Variants in SEC63 observed in about 807,000 individuals in gnomAD.
The protein encoded by SEC63 is SEC63 protein translocation regulator, also known as translocation protein SEC63 homolog.
A neutral mutation model predicts 116.2 loss-of-function variants in SEC63; 56 were observed. The observed-to-expected ratio is 0.48, with a 90% confidence interval of 0.39 to 0.60. The LOEUF is 0.60. Ranked by LOEUF, SEC63 falls within the 20% of genes least tolerant of loss-of-function variation. The pLI, the probability that SEC63 is intolerant of heterozygous loss-of-function variation, is 0.00. For missense variants in SEC63, 668 were observed against 900.0 expected (o/e 0.74, Z 3.30); for synonymous variants, 273 against 294.6 (o/e 0.93, Z 0.75).
At chr6:107,914,584 G>A (rs1460780065) in intron 4 of SEC63, among the ~76,000 whole-genome samples, 1 of 152,026 alleles carries the variant, frequency 6.6e-6, no homozygotes, top group African/African-American at 2.4e-5. Context: ...TTTGATGAAA[G>A]GCCACAGAAA....
At chr6:107,939,951 A>G (rs575890434) in intron 1 of SEC63, among the ~76,000 whole-genome samples, 17 of 152,292 alleles carry the variant, frequency 1.1e-4, no homozygotes, top group African/African-American at 3.8e-4. Flanking sequence ...GAATCTGAAT[A>G]GTTAGCCATA....
intron 18 of SEC63, among the ~76,000 whole-genome samples, chr6:107,879,722 ATC>A (rs1213027834): frequency 2.1e-5 from 2 of 96,922 alleles, no homozygotes; most frequent in African/African-American, 8.4e-5. Flanking sequence ...AATGATTTTT[ATC>A]TTTTTTTTTT....
At chr6:107,943,308 A>G (rs2114509482) in intron 1 of SEC63, among the ~76,000 whole-genome samples, 2 of 152,354 alleles carry the variant, frequency 1.3e-5, no homozygotes, top group South Asian at 2.1e-4. Flanking sequence ...GTTTGTGTGA[A>G]TAAGTTTTGA....
intron 1 of SEC63, among the ~76,000 whole-genome samples, chr6:107,951,959 C>T (rs1452085637): frequency 4.3e-5 from 6 of 140,278 alleles, no homozygotes; most frequent in African/African-American, 1.1e-4. Flanking sequence ...GGTGACAGAG[C>T]GAGACTCCAT....
At position 107,934,451 on chromosome 6, in the gene SEC63, G is replaced by A. The variant is rs79224799; in HGVS notation, c.125-4937C>T. ...TGTGAGAGTGCCCGGCCGCGACCCC[G>A]TCTGGGAGGTGAGGAGCGTCTCTGC... is the stretch of plus-strand genomic sequence containing the variant. On this transcript the variant is annotated intron_variant, in intron 1 of 20. Coordinates refer to ENST00000369002, the MANE Select transcript of SEC63 (RefSeq NM_007214.5). Among the ~76,000 whole-genome samples the A allele has an allele frequency of 3.9e-3, 568 of 144,906 alleles. 5 individuals carry two copies. The highest frequency in any genetic ancestry group is 0.017 in the Admixed American group (252 of 14,484).
intron 2 of SEC63, among the ~76,000 whole-genome samples, chr6:107,929,053 AC>A (rs1232864689): frequency 3.3e-5 from 5 of 152,178 alleles, no homozygotes; most frequent in Admixed American, 1.3e-4. Flanking sequence ...TGCTCAATAA[AC>A]TTTAATTATC....
intron 13 of SEC63, 100 bp from the exon 14 acceptor site, chr6:107,897,831 A>G: frequency 1.3e-6 from 1 of 790,338 alleles, no homozygotes; most frequent in Admixed American, 1.8e-5. Context: ...TTGGCACTTT[A>G]GTATTTCAAG....
At chr6:107,907,518 G>A (rs184303570) in intron 8 of SEC63, among the ~76,000 whole-genome samples, 8 of 152,298 alleles carry the variant, frequency 5.3e-5, no homozygotes, top group East Asian at 3.9e-4. Flanking sequence ...GGAGGCAGAC[G>A]TTGTGGTGAG....
In SEC63 at chr6:107,897,653, A is replaced by C. The variant is rs1235133636; in HGVS notation, c.1436T>G (p.Met479Arg). The stretch of plus-strand genomic sequence containing the variant: ...AAATACAGATAGACTACTTACAGCC[A>C]TTGTTTGCCTTGTCAACTTAACCAA... ...TVLVKLTRQT[M>R]AEVFEKEQSI... The change falls in exon 14 of 21, where the codon ATG becomes AGG. Residue 479 changes from methionine to arginine, a missense_variant. Transcript: ENST00000369002. 6.3e-7 allele frequency: 1 copy of C among 1,588,288 alleles called. No individual in the cohort carries two copies. The highest frequency in any genetic ancestry group is 8.6e-7 in the Non-Finnish European group (1 of 1,156,666).
chr6:107,948,178 C>T (rs547083998), intron 1 of SEC63, among the ~76,000 whole-genome samples: 4 of 152,116 alleles, frequency 2.6e-5, no homozygotes, highest in African/African-American at 4.8e-5. Flanking sequence ...TTACTCCTTC[C>T]TATGTGCTCC....
chr6:107,941,382 C>T (rs1770371347), intron 1 of SEC63, among the ~76,000 whole-genome samples: 1 of 151,940 alleles, frequency 6.6e-6, no homozygotes, highest in Non-Finnish European at 1.5e-5. Context: ...AGTCCTACTA[C>T]TTAGAAGCTT....
intron 8 of SEC63, among the ~76,000 whole-genome samples, chr6:107,908,331 A>G (rs2114452779): frequency 1.5e-5 from 1 of 66,292 alleles, no homozygotes; most frequent in African/African-American, 6.6e-5. Flanking sequence ...GAAAGTGAAA[A>G]TAGTATTTTT....
intron 1 of SEC63, among the ~76,000 whole-genome samples, chr6:107,950,872 T>C (rs889073312): frequency 3.9e-5 from 6 of 152,202 alleles, no homozygotes; most frequent in African/African-American, 1.4e-4. Context: ...ACGGAAAGAA[T>C]AAAAGCATGC....
chr6:107,956,019 T>A, intron 1 of SEC63: 1 of 422,218 alleles, frequency 2.4e-6, no homozygotes, highest in South Asian at 1.7e-5. Context: ...GTGGCTCAAG[T>A]CTGTAAGGCC....
intron 4 of SEC63, among the ~76,000 whole-genome samples, chr6:107,916,606 A>G (rs1385517933): frequency 1.3e-5 from 2 of 152,228 alleles, no homozygotes; most frequent in Admixed American, 1.3e-4. Flanking sequence ...CCCTGCATCA[A>G]GCAATTCTAT....
intron 14 of SEC63, among the ~76,000 whole-genome samples, chr6:107,896,881 A>T (rs1354388315): frequency 6.6e-6 from 1 of 152,014 alleles, no homozygotes; most frequent in Non-Finnish European, 1.5e-5. Context: ...CGGGAGGCTG[A>T]GGCAGGAGAA....
chr6:107,933,738 CCCTCTCTTTCCACGGTCTCCCTCTG>C (rs1223990752), intron 1 of SEC63, among the ~76,000 whole-genome samples: 8 of 151,490 alleles, frequency 5.3e-5, no homozygotes, highest in African/African-American at 1.9e-4. Flanking sequence ...GTCTCCCTCT[CCCTCTCTTTCCACGGTCTCCCTCTG>C]ATGTCTAGCC....
At chr6:107,875,970 T>C (rs1315540296) in intron 19 of SEC63, among the ~76,000 whole-genome samples, 1 of 152,104 alleles carries the variant, frequency 6.6e-6, no homozygotes, top group Non-Finnish European at 1.5e-5. Context: ...AAAAAATATG[T>C]ACTAAAAATC....
At chr6:107,915,869 C>A (rs1787389249) in intron 4 of SEC63, among the ~76,000 whole-genome samples, 1 of 152,088 alleles carries the variant, frequency 6.6e-6, no homozygotes, top group South Asian at 2.1e-4. Context: ...ATGCAAGTTA[C>A]ATAATCTCAA....
Sources: allele counts gnomAD v4.1 joint callset (sites outside exome capture counted in the v4.1 genomes callset), GRCh38; gene constraint gnomAD v4.1.1; transcripts MANE v1.5; gene names NCBI Gene and HGNC (gene_info 2026-07-23, HGNC 2026-07-21).